CMC2: variants seen among roughly 807,000 people sequenced by gnomAD.
CMC2 encodes the protein C-X9-C motif containing 2.
Under a neutral mutation model 7.5 loss-of-function variants are expected in CMC2, and 5 were observed. The observed-to-expected ratio is 0.66, with a 90% CI of 0.35 to 1.40. The LOEUF is 1.40. Among genes scored for constraint, CMC2 ranks in the 40% most tolerant of loss-of-function variants. CMC2 has a pLI of 0.04. For missense variants in CMC2, 115 were observed against 92.3 expected (o/e 1.25, Z -1.01); for synonymous variants, 37 against 31.4 (o/e 1.18, Z -0.60).
intron 2 of CMC2, among the ~76,000 whole-genome samples, chr16:80,985,838 C>T (rs943834733): frequency 2.1e-5 from 3 of 144,960 alleles, no homozygotes; most frequent in African/African-American, 7.7e-5. Flanking sequence ...GAGGAATGCA[C>T]TAAGCTCAGC....
chr16:81,005,478 G>C (rs1021032395), intron 1 of CMC2, among the ~76,000 whole-genome samples: 1 of 103,022 alleles, frequency 9.7e-6, no homozygotes, highest in Non-Finnish European at 2.4e-5. Flanking sequence ...CCTACATTTC[G>C]GCCCTGGTAT....
At position 80,988,204 on chromosome 16, in the gene CMC2, TTC is replaced by T. The variant is rs201950757; in HGVS notation, c.82-6329_82-6328del. On this transcript the variant is annotated intron_variant, in intron 2 of 3. Coordinates refer to ENST00000219400, the MANE Select transcript of CMC2 (RefSeq NM_020188.5). ...CTCCCGATAAACTTTTAATTAACTT[TTC>T]CCCCCCAGATATAGACCTGCAGAAT... 1.4e-4 allele frequency among the ~76,000 whole-genome samples: 21 copies of T among 150,472 alleles called. No homozygotes were observed. The East Asian group carries it at 2.5e-3, about 18-fold the overall frequency.
intron 1 of CMC2, among the ~76,000 whole-genome samples, chr16:81,002,464 C>G (rs907157539): frequency 6.6e-6 from 1 of 152,136 alleles, no homozygotes; most frequent in African/African-American, 2.4e-5. Flanking sequence ...GGTTTAATCA[C>G]TAGAAAATGT....
rs1310977328 is a variant in CMC2, at chr16:80,971,589, TGAAATCATGC to T, written c.*4494_*4503del. On this transcript the variant is annotated 3_prime_UTR_variant, in exon 4 of 4. Transcript: ENST00000219400. ...TTATATATATATATATATATATGTA[TGAAATCATGC>T]ATATATATATATGTATGAAATCATG... 347 of 126,808 alleles carry T rather than the reference TGAAATCATGC, an allele frequency of 2.7e-3. 13 individuals are homozygous for T. The highest frequency in any genetic ancestry group is 0.01 in the African/African-American group (273 of 26,762). 7.9% of individuals were successfully genotyped at this position (126,808 alleles called of 1,614,324 possible). A position where few individuals can be genotyped will look rare whatever the true frequency, so the allele number is the denominator to read the frequency against.
At position 80,967,798 on chromosome 16, in the gene CMC2, T is replaced by C. The variant is rs528473373; in HGVS notation, c.*8295A>G. 6.6e-6 allele frequency: 1 copy of C among 152,254 alleles called. No homozygotes were observed. Among genetic ancestry groups the C allele is most frequent in the Non-Finnish European group, 1.5e-5 (1 of 68,050 alleles). The allele number at this position is 152,254 out of a possible 1,614,324, so 9.4% of individuals were successfully genotyped here. On this transcript the variant is annotated 3_prime_UTR_variant, in exon 4 of 4. Coordinates refer to ENST00000219400, the MANE Select transcript of CMC2 (RefSeq NM_020188.5). The stretch of plus-strand genomic sequence containing the variant: ...AGAATTGCAGAATGCTTTACTTTCT[T>C]AGCCCTCTACTCGCCAGAGTTGAGG...
chr16:80,992,764 T>C (rs1968109039), intron 2 of CMC2, among the ~76,000 whole-genome samples: 1 of 151,042 alleles, frequency 6.6e-6, no homozygotes, highest in Non-Finnish European at 1.5e-5. Context: ...GGCTGATGTG[T>C]TGTACTGCAG....
chr16:80,978,298 GA>G (rs769225734), intron 3 of CMC2: 96 of 1,222,750 alleles, frequency 7.9e-5, no homozygotes, highest in Non-Finnish European at 9.8e-5. Flanking sequence ...GGTCTTAAGG[GA>G]AACTCTTCAG....
At position 80,981,301 on chromosome 16, in the gene CMC2, T is replaced by C. The variant is rs182940441; in HGVS notation, c.153+505A>G. 2.4e-3 allele frequency among the ~76,000 whole-genome samples: 360 copies of C among 152,324 alleles called. 1 individual carries two copies. The highest frequency in any genetic ancestry group is 8.4e-3 in the African/African-American group (349 of 41,586). On this transcript the variant is annotated intron_variant, in intron 3 of 3. Coordinates refer to ENST00000219400, the MANE Select transcript of CMC2 (RefSeq NM_020188.5). ...TGGCTATTTGCCCAAGTCCAAGTTGTGCCCTAAAATCAAGTTCAGGAGATG... is the reference window on the plus strand; with the variant it reads ...TGGCTATTTGCCCAAGTCCAAGTTGCGCCCTAAAATCAAGTTCAGGAGATG...
At chr16:81,006,281 T>A (rs2602422) in intron 1 of CMC2, among the ~76,000 whole-genome samples, 2 of 152,214 alleles carry the variant, frequency 1.3e-5, no homozygotes, top group Admixed American at 6.5e-5. Flanking sequence ...CAGCTGAGAC[T>A]TGCTTGAACG....
chr16:80,994,118 T>C lies in CMC2; in HGVS notation c.81+3196A>G, dbSNP rs563328756. Among the ~76,000 whole-genome samples, 21 of 152,260 alleles carry C rather than the reference T, an allele frequency of 1.4e-4. No homozygotes were observed. The East Asian group carries it at 2.3e-3, about 17-fold the overall frequency. ...GGGATAGAACAGTCTCTTCAACATA[T>C]GGTGTTGAGACAACTGGCTACCCAC... On this transcript the variant is annotated intron_variant, in intron 2 of 3. Coordinates refer to ENST00000219400, the MANE Select transcript of CMC2 (RefSeq NM_020188.5).
intron 2 of CMC2, among the ~76,000 whole-genome samples, chr16:80,996,332 A>G (rs533244811): frequency 1.3e-5 from 2 of 152,354 alleles, no homozygotes; most frequent in African/African-American, 2.4e-5. Flanking sequence ...GTCTCTGACT[A>G]TAACTGACCA....
chr16:80,991,387 C>T (rs1185643570), intron 2 of CMC2, among the ~76,000 whole-genome samples: 1 of 152,100 alleles, frequency 6.6e-6, no homozygotes, highest in African/African-American at 2.4e-5. Context: ...GTAATACCAG[C>T]ACTTTGGTAG....
intron 1 of CMC2, chr16:80,997,761 G>A (rs989154278): frequency 3.1e-5 from 5 of 163,476 alleles, no homozygotes; most frequent in South Asian, 1.8e-4. Flanking sequence ...CCACATTCTC[G>A]AAATTAACAA....
rs778193287 is a variant in CMC2, at chr16:80,971,584, A to ATATATATG, written c.*4508_*4509insCATATATA. 4 of 139,580 alleles carry ATATATATG rather than the reference A, an allele frequency of 2.9e-5. No individual in the cohort carries two copies. Among genetic ancestry groups the ATATATATG allele is most frequent in the East Asian group, 4.1e-4 (2 of 4,846 alleles). The allele number at this position is 139,580 out of a possible 1,614,324, so 8.6% of individuals were successfully genotyped here. On this transcript the variant is annotated 3_prime_UTR_variant, in exon 4 of 4. Transcript: ENST00000219400. ...ACATTTTATATATATATATATATAT[A>ATATATATG]TGTATGAAATCATGCATATATATAT...
intron 1 of CMC2, among the ~76,000 whole-genome samples, chr16:81,003,357 G>A (rs1467941863): frequency 6.6e-6 from 1 of 152,188 alleles, no homozygotes; most frequent in Non-Finnish European, 1.5e-5. Context: ...AACGTTATTA[G>A]TTTAGAAAAT....
Position 80,971,720 on chromosome 16 carries a change from C to T in CMC2, c.*4373G>A, listed in dbSNP as rs1911942978. On this transcript the variant is annotated 3_prime_UTR_variant, in exon 4 of 4. Coordinates refer to ENST00000219400, the MANE Select transcript of CMC2 (RefSeq NM_020188.5). Reference sequence around the variant, plus strand: ...GGGTGACAAACACAGGAGGCTTTACCCACTTTTGTATTATTATTTTTTTAA... The same window carrying T: ...GGGTGACAAACACAGGAGGCTTTACTCACTTTTGTATTATTATTTTTTTAA... The T allele has an allele frequency of 6.6e-6, 1 of 151,078 alleles. No homozygotes were observed. The highest frequency in any genetic ancestry group is 2.4e-5 in the African/African-American group (1 of 40,888). The allele number at this position is 151,078 out of a possible 1,614,324, so 9.4% of individuals were successfully genotyped here.
At chr16:80,977,141 T>C (rs1445360693) in intron 3 of CMC2, among the ~76,000 whole-genome samples, 1 of 152,108 alleles carries the variant, frequency 6.6e-6, no homozygotes, top group Non-Finnish European at 1.5e-5. Context: ...CTTCCCAAGG[T>C]TTCTTCATCA....
intron 2 of CMC2, among the ~76,000 whole-genome samples, chr16:80,986,490 A>G (rs1023360444): frequency 5.9e-5 from 9 of 151,862 alleles, no homozygotes; most frequent in Admixed American, 3.9e-4. Flanking sequence ...GATTAAACTT[A>G]TTTTTGAAAG....
In CMC2 at chr16:80,967,669, T is replaced by C. The variant is rs1322609047; in HGVS notation, c.*8424A>G. ...CGTACTTTTCAATATTTGTAGCAAG[T>C]CCAATCATTAGCTCAATAATCCAAT... On this transcript the variant is annotated 3_prime_UTR_variant, in exon 4 of 4. Transcript: ENST00000219400. 2 of 152,206 alleles carry C rather than the reference T, an allele frequency of 1.3e-5. No homozygotes were observed. Among genetic ancestry groups the C allele is most frequent in the Non-Finnish European group, 2.9e-5 (2 of 68,034 alleles). The allele number at this position is 152,206 out of a possible 1,614,324, so 9.4% of individuals were successfully genotyped here.
Sources: gnomAD v4.1 joint callset for allele counts (sites outside exome capture counted in the v4.1 genomes callset) on GRCh38, gnomAD v4.1.1 for gene constraint, MANE v1.5 for transcripts, NCBI Gene and HGNC (gene_info 2026-07-23, HGNC 2026-07-21) for gene names.